The following CNTN5 variants were observed in gnomAD, a reference collection of about 807,000 sequenced individuals.
CNTN5 encodes contactin 5, also known as contactin-5.
In CNTN5, 77 loss-of-function variants were observed where a neutral mutation model predicts 129.1. That is an observed-to-expected ratio of 0.60 (90% CI 0.50 to 0.72). The LOEUF (loss-of-function observed/expected upper bound fraction) is 0.72, where lower values mean the gene tolerates loss of function less well. Among genes scored for constraint, CNTN5 ranks in the 30% least tolerant of loss-of-function variants. The probability of loss-of-function intolerance (pLI) is 0.00; values close to 1 mark genes in which losing one functional copy is unlikely to be tolerated. For missense variants in CNTN5, 1,478 were observed against 1,328.8 expected, an observed-to-expected ratio of 1.11 and a Z score of -1.75; for synonymous variants, 509 against 465.6, an observed-to-expected ratio of 1.09 and a Z score of -1.20.
At chr11:99,935,806 T>C (rs1279518022) in intron 7 of CNTN5, among the ~76,000 whole-genome samples, 1 of 152,142 alleles carries the variant, frequency 6.6e-6, no homozygotes, top group Non-Finnish European at 1.5e-5. Context: ...TAATCTTTAC[T>C]ATTACCCTTT....
chr11:100,193,769 A>C, intron 15 of CNTN5, 106 bp downstream of exon 15: 1 of 833,640 alleles, frequency 1.2e-6, no homozygotes, highest in Non-Finnish European at 1.8e-6. Flanking sequence ...AAAAAACAGA[A>C]CATCGACTTG....
At chr11:99,355,406 G>A (rs932801166) in intron 2 of CNTN5, among the ~76,000 whole-genome samples, 5 of 151,876 alleles carry the variant, frequency 3.3e-5, no homozygotes, top group Non-Finnish European at 1.5e-5. Flanking sequence ...AATCTCTCTG[G>A]GACCAGTTTC....
At chr11:99,598,424 TCCTC>T (rs1161183246) in intron 3 of CNTN5, among the ~76,000 whole-genome samples, 35 of 108,260 alleles carry the variant, frequency 3.2e-4, no homozygotes, top group Middle Eastern at 4.5e-3. Flanking sequence ...CTCCCTTCCT[TCCTC>T]CCTCCCTCCC....
At chr11:100,336,427 T>C (rs914854004) in intron 21 of CNTN5, among the ~76,000 whole-genome samples, 1 of 152,114 alleles carries the variant, frequency 6.6e-6, no homozygotes, top group Non-Finnish European at 1.5e-5. Context: ...AATAAGAAAA[T>C]ATTTCTATAT....
At chr11:99,152,532 G>A (rs895941612) in intron 1 of CNTN5, among the ~76,000 whole-genome samples, 6 of 152,144 alleles carry the variant, frequency 3.9e-5, no homozygotes, top group African/African-American at 1.4e-4. Context: ...GAGCCTATGG[G>A]TGTCATTGCA....
intron 13 of CNTN5, among the ~76,000 whole-genome samples, chr11:100,129,524 GAGTAAAGCTATTTTCATC>G (rs1946306312): frequency 6.6e-6 from 1 of 152,110 alleles, no homozygotes; most frequent in Non-Finnish European, 1.5e-5. Flanking sequence ...TTAGAAGTGT[GAGTAAAGCTATTTTCATC>G]AGTATTTCTA....
intron 2 of CNTN5, among the ~76,000 whole-genome samples, chr11:99,376,513 T>A (rs1940188485): frequency 6.6e-6 from 1 of 152,178 alleles, no homozygotes; most frequent in East Asian, 1.9e-4. Context: ...AAAATTGTCC[T>A]TGTAGTTTAC....
chr11:99,741,830 C>A (rs1943896647), intron 3 of CNTN5, among the ~76,000 whole-genome samples: 1 of 152,008 alleles, frequency 6.6e-6, no homozygotes, highest in Non-Finnish European at 1.5e-5. Context: ...TCATGTCTTG[C>A]CGCTATGTTT....
chr11:99,576,103 T>C (rs1949341231), intron 3 of CNTN5, among the ~76,000 whole-genome samples: 1 of 152,030 alleles, frequency 6.6e-6, no homozygotes, highest in African/African-American at 2.4e-5. Flanking sequence ...AAAACAAAAA[T>C]AGAAACAAAT....
intron 7 of CNTN5, among the ~76,000 whole-genome samples, chr11:99,934,832 A>C (rs1339039829): frequency 6.7e-6 from 1 of 148,448 alleles, no homozygotes; most frequent in Non-Finnish European, 1.5e-5. Flanking sequence ...CTGAGATCGC[A>C]CCACTGCACT....
At chr11:99,713,316 G>A (rs191313390) in intron 3 of CNTN5, among the ~76,000 whole-genome samples, 1 of 151,876 alleles carries the variant, frequency 6.6e-6, no homozygotes, top group Non-Finnish European at 1.5e-5. Flanking sequence ...TTGGTGTATA[G>A]GAAGGCTTGT....
intron 13 of CNTN5, among the ~76,000 whole-genome samples, chr11:100,162,710 A>G (rs1458556176): frequency 6.6e-6 from 1 of 151,930 alleles, no homozygotes; most frequent in Non-Finnish European, 1.5e-5. Flanking sequence ...AGAGAACTGA[A>G]GAGTTGAAAC....
intron 3 of CNTN5, among the ~76,000 whole-genome samples, chr11:99,578,832 A>C (rs567896859): frequency 1.7e-4 from 26 of 152,146 alleles, no homozygotes; most frequent in African/African-American, 3.1e-4. Flanking sequence ...TCTTTAGTTT[A>C]ATTAGATCCC....
intron 1 of CNTN5, among the ~76,000 whole-genome samples, chr11:99,050,883 C>T (rs1459063438): frequency 6.6e-6 from 1 of 151,792 alleles, no homozygotes; most frequent in African/African-American, 2.4e-5. Context: ...AAATTCAGCT[C>T]AGTCTATAAC....
chr11:99,616,646 G>T (rs1276126258), intron 3 of CNTN5, among the ~76,000 whole-genome samples: 1 of 152,130 alleles, frequency 6.6e-6, no homozygotes, highest in African/African-American at 2.4e-5. Flanking sequence ...GGTTGCTGTG[G>T]CAAAACCTAT....
intron 3 of CNTN5, among the ~76,000 whole-genome samples, chr11:99,759,363 C>T (rs1411436183): frequency 1.3e-5 from 2 of 151,910 alleles, no homozygotes; most frequent in Admixed American, 6.6e-5. Context: ...CTACCTTCCC[C>T]TCATGAGTTC....
chr11:99,668,668 C>CCT (rs1314802711), intron 3 of CNTN5, among the ~76,000 whole-genome samples: 1 of 152,120 alleles, frequency 6.6e-6, no homozygotes, highest in African/African-American at 2.4e-5. Context: ...GTGGCTCATG[C>CCT]CTGTAATCCT....
At chr11:100,017,746 T>C (rs1940907377) in intron 9 of CNTN5, among the ~76,000 whole-genome samples, 1 of 152,026 alleles carries the variant, frequency 6.6e-6, no homozygotes, top group South Asian at 2.1e-4. Context: ...GCGTCAACAG[T>C]GTTTGTTACT....
chr11:99,216,999 A>G (rs537200250), intron 1 of CNTN5, among the ~76,000 whole-genome samples: 4 of 152,302 alleles, frequency 2.6e-5, no homozygotes, highest in African/African-American at 9.6e-5. Context: ...CCTGACCAAC[A>G]TGGTGAAACT....
Sources: allele counts gnomAD v4.1 joint callset (sites outside exome capture counted in the v4.1 genomes callset), GRCh38; gene constraint gnomAD v4.1.1; transcripts MANE v1.5; gene names NCBI Gene and HGNC (gene_info 2026-07-23, HGNC 2026-07-21).